Variants in CYP2J2 observed in about 807,000 individuals in gnomAD.
CYP2J2 encodes cytochrome P450 family 2 subfamily J member 2.
Under a neutral mutation model 48.8 loss-of-function variants are expected in CYP2J2, and 41 were observed. That is an observed-to-expected ratio of 0.84 (90% CI 0.66 to 1.09). The LOEUF (loss-of-function observed/expected upper bound fraction) is 1.09, where lower values mean the gene tolerates loss of function less well. Among genes scored for constraint, CYP2J2 ranks in the 50% least tolerant of loss-of-function variants. CYP2J2 has a pLI of 0.00. For synonymous variants in CYP2J2, 221 were observed against 227.1 expected (o/e 0.97, Z 0.24); for missense variants, 644 against 617.3 (o/e 1.04, Z -0.46).
At chr1:59,955,758 T>C in the CYP2J2 span, among the ~76,000 whole-genome samples, 1 of 152,132 alleles carries the variant, frequency 6.6e-6, no homozygotes, top group Non-Finnish European at 1.5e-5. Context: ...GAAGGTTCTA[T>C]TTAAAAAGTG....
the CYP2J2 span, among the ~76,000 whole-genome samples, chr1:59,956,124 G>C: frequency 6.6e-6 from 1 of 151,970 alleles, no homozygotes; most frequent in Non-Finnish European, 1.5e-5. Context: ...AAAGAGAGGA[G>C]GCACTCAAAT....
rs772073535 is a variant in CYP2J2, at chr1:59,926,560, G to A, written c.187C>T (p.Gln63Ter). The change falls in exon 1 of 9, where the codon CAG (glutamine) becomes TAG (stop). Residue 63 changes from glutamine (Q) to a stop codon, truncating the protein, a stop_gained. Coordinates refer to ENST00000371204, the MANE Select transcript of CYP2J2 (RefSeq NM_000775.4). LOFTEE classifies it high-confidence loss of function. ...LGNFFLVDFEQSHLEVQLFVK... is the reference protein window; with the variant it reads ...LGNFFLVDFE ...ACCAGCTGAACCTCCAGGTGCGACT[G>A]CTCGAAGTCCACAAGGAAGAAGTTG... 6.2e-7 allele frequency: 1 copy of A among 1,614,028 alleles called. No individual in the cohort carries two copies. The highest frequency in any genetic ancestry group is 8.5e-7 in the Non-Finnish European group (1 of 1,179,998).
Position 59,901,060 on chromosome 1 carries a change from GGGTCCCTGTGCAGC to G in CYP2J2, c.1221_1234del (p.Leu408HisfsTer7). On this transcript the variant is annotated frameshift_variant, in exon 8 of 9. Transcript: ENST00000371204. LOFTEE classifies it high-confidence loss of function. The stretch of plus-strand genomic sequence containing the variant: ...TGTGTCAGGGGTGGCCCACTCTGTG[GGGTCCCTGTGCAGC>G]GCCGTCAAATTGGTCAGGATCATGG... The G allele has an allele frequency of 6.2e-7, 1 of 1,614,128 alleles. No individual in the cohort carries two copies. Among genetic ancestry groups the G allele is most frequent in the Non-Finnish European group, 8.5e-7 (1 of 1,179,996 alleles).
At chr1:59,920,449 T>C (rs1466896199) in intron 1 of CYP2J2, among the ~76,000 whole-genome samples, 2 of 152,018 alleles carry the variant, frequency 1.3e-5, no homozygotes, top group African/African-American at 4.8e-5. Flanking sequence ...AGCATATAGA[T>C]AAATAATCAC....
intron 7 of CYP2J2, 152 bp from the exon 8 acceptor site, chr1:59,901,255 A>G (rs910213003): frequency 3.1e-6 from 2 of 646,402 alleles, no homozygotes; most frequent in Non-Finnish European, 5.0e-6. Flanking sequence ...GTGTCCCCCA[A>G]CCCAGGACCC....
At chr1:59,925,692 G>C (rs1644557681) in intron 1 of CYP2J2, among the ~76,000 whole-genome samples, 1 of 152,118 alleles carries the variant, frequency 6.6e-6, no homozygotes, top group South Asian at 2.1e-4. Flanking sequence ...CAATATTTGA[G>C]GGCAATATAC....
At chr1:59,933,538 C>G in the CYP2J2 span, among the ~76,000 whole-genome samples, 2 of 152,082 alleles carry the variant, frequency 1.3e-5, no homozygotes, top group Non-Finnish European at 2.9e-5. Flanking sequence ...TATCCTAAAA[C>G]TTTGCTGAAT....
the CYP2J2 span, among the ~76,000 whole-genome samples, chr1:59,944,847 G>T: frequency 6.6e-6 from 1 of 151,572 alleles, no homozygotes; most frequent in African/African-American, 2.4e-5. Flanking sequence ...TTTAAAAAAA[G>T]CCATTTGCAT....
intron 6 of CYP2J2, among the ~76,000 whole-genome samples, chr1:59,905,487 T>C (rs918265819): frequency 1.1e-4 from 17 of 152,312 alleles, no homozygotes; most frequent in East Asian, 3.9e-4. Flanking sequence ...ATCATCACAC[T>C]GGTAATAAGG....
At chr1:59,957,702 AC>A in the CYP2J2 span, among the ~76,000 whole-genome samples, 6,746 of 148,166 alleles carry the variant, frequency 0.046, 168 homozygotes, top group Non-Finnish European at 0.066. Context: ...ACACACACAC[AC>A]CACACACACA....
chr1:59,961,830 CT>C, the CYP2J2 span, among the ~76,000 whole-genome samples: 2 of 151,976 alleles, frequency 1.3e-5, no homozygotes, highest in Non-Finnish European at 2.9e-5. Flanking sequence ...AAATGAAGTA[CT>C]GATAAATGCT....
chr1:59,944,796 C>CA, the CYP2J2 span, among the ~76,000 whole-genome samples: 1 of 151,580 alleles, frequency 6.6e-6, no homozygotes, highest in Admixed American at 6.6e-5. Context: ...TTTTAAATTT[C>CA]AAAAAATGCA....
In CYP2J2 at chr1:59,911,596, C is replaced by T; in HGVS notation, c.684+12G>A. On this transcript the variant is annotated intron_variant, in intron 4 of 8. Coordinates refer to ENST00000371204, the MANE Select transcript of CYP2J2 (RefSeq NM_000775.4). ...TTTACTGAACAAAGATATGGAGAGA[C>T]AGCTGCCTTACCTGGCATGTCTTTG... The T allele has an allele frequency of 1.9e-6, 3 of 1,591,242 alleles. No individual in the cohort carries two copies. The highest frequency in any genetic ancestry group is 1.7e-6 in the Non-Finnish European group (2 of 1,167,130).
chr1:59,903,080 G>C (rs755252637), intron 7 of CYP2J2, among the ~76,000 whole-genome samples: 2 of 152,158 alleles, frequency 1.3e-5, no homozygotes, highest in East Asian at 1.9e-4. Context: ...ACAGCACCTG[G>C]GGAATTTAGA....
chr1:59,955,265 CAT>C, the CYP2J2 span, among the ~76,000 whole-genome samples: 39 of 23,934 alleles, frequency 1.6e-3, no homozygotes, highest in East Asian at 0.023. Flanking sequence ...TATATATATC[CAT>C]ATATATATAT....
the CYP2J2 span, among the ~76,000 whole-genome samples, chr1:59,954,204 C>A: frequency 4.1e-3 from 619 of 152,184 alleles, 7 homozygotes; most frequent in African/African-American, 0.014. Flanking sequence ...ATGCAGTATA[C>A]GTAGAATGAA....
At chr1:59,962,631 C>A in the CYP2J2 span, among the ~76,000 whole-genome samples, 2 of 152,142 alleles carry the variant, frequency 1.3e-5, no homozygotes, top group African/African-American at 4.8e-5. Context: ...CTAGGCTCAG[C>A]AGTGAACAAC....
At chr1:59,949,702 T>C in the CYP2J2 span, among the ~76,000 whole-genome samples, 1 of 2,058 alleles carries the variant, frequency 4.9e-4, no homozygotes. Flanking sequence ...GACTGGAAGC[T>C]TTTTTTTTTT....
At position 59,893,546 on chromosome 1, in the gene CYP2J2, G is replaced by T; in HGVS notation, c.*105C>A. On this transcript the variant is annotated 3_prime_UTR_variant, in exon 9 of 9. Coordinates refer to ENST00000371204, the MANE Select transcript of CYP2J2 (RefSeq NM_000775.4). Reference sequence around the variant, plus strand: ...GAGTCAAATTCCTCTGATCTTTCTTGAAAGTCACTTTCATTTTGTCCCAAC... The same window carrying T: ...GAGTCAAATTCCTCTGATCTTTCTTTAAAGTCACTTTCATTTTGTCCCAAC... 2.4e-6 allele frequency: 2 copies of T among 840,262 alleles called. No individual in the cohort carries two copies. The highest frequency in any genetic ancestry group is 1.8e-6 in the Non-Finnish European group (1 of 568,976). 52.1% of individuals were successfully genotyped at this position (840,262 alleles called of 1,614,324 possible).
Sources: allele counts gnomAD v4.1 joint callset (sites outside exome capture counted in the v4.1 genomes callset), GRCh38; gene constraint gnomAD v4.1.1; transcripts MANE v1.5; gene names NCBI Gene and HGNC (gene_info 2026-07-23, HGNC 2026-07-21).